Variants in UNC13C observed in about 807,000 individuals in gnomAD.
UNC13C encodes unc-13 homolog C, also known as protein unc-13 homolog C.
Under a neutral mutation model 245.4 loss-of-function variants are expected in UNC13C, and 174 were observed. The observed-to-expected ratio is 0.71, with a 90% CI of 0.63 to 0.80. The LOEUF (loss-of-function observed/expected upper bound fraction) is 0.80. Ranked by LOEUF, UNC13C falls within the 30% of genes least tolerant of loss-of-function variation. The pLI is 0.00. For missense variants in UNC13C, 2,829 were observed against 2,602.9 expected (o/e 1.09, Z -1.89); for synonymous variants, 992 against 895.1 (o/e 1.11, Z -1.93).
intron 17 of UNC13C, among the ~76,000 whole-genome samples, chr15:54,350,466 G>T (rs1265695766): frequency 1.3e-5 from 2 of 152,136 alleles, no homozygotes; most frequent in Non-Finnish European, 2.9e-5. Flanking sequence ...GAATGAATCG[G>T]CAGGCAGACA....
chr15:54,386,895 A>G (rs949948363), intron 17 of UNC13C, among the ~76,000 whole-genome samples: 2 of 152,164 alleles, frequency 1.3e-5, no homozygotes, highest in Non-Finnish European at 2.9e-5. Context: ...CCAATAGGTT[A>G]TCTTGAGCTA....
At chr15:54,258,914 A>G (rs1238608828) in intron 8 of UNC13C, among the ~76,000 whole-genome samples, 1 of 152,202 alleles carries the variant, frequency 6.6e-6, no homozygotes, top group Non-Finnish European at 1.5e-5. Context: ...AGAAAGTACC[A>G]TAAATTGGGG....
intron 17 of UNC13C, among the ~76,000 whole-genome samples, chr15:54,364,481 G>A (rs879634273): frequency 1.3e-5 from 2 of 152,184 alleles, no homozygotes; most frequent in Non-Finnish European, 2.9e-5. Flanking sequence ...GATGTAGGGA[G>A]CTACTGGGGT....
At chr15:54,553,255 A>C (rs1177104074) in intron 28 of UNC13C, among the ~76,000 whole-genome samples, 1 of 110,416 alleles carries the variant, frequency 9.1e-6, no homozygotes, top group East Asian at 2.5e-4. Flanking sequence ...TATATATTAT[A>C]TATTGTATTC....
intron 4 of UNC13C, among the ~76,000 whole-genome samples, chr15:54,206,653 C>T (rs2034722217): frequency 6.6e-6 from 1 of 152,068 alleles, no homozygotes; most frequent in African/African-American, 2.4e-5. Context: ...GGATATAGCT[C>T]TATCTAAACC....
chr15:53,891,518 A>T, the UNC13C span, among the ~76,000 whole-genome samples: 1 of 152,170 alleles, frequency 6.6e-6, no homozygotes, highest in Non-Finnish European at 1.5e-5. Flanking sequence ...GTCTCTAAGA[A>T]CTTGCTTTAT....
At chr15:54,553,600 G>A (rs866430929) in intron 28 of UNC13C, among the ~76,000 whole-genome samples, 1 of 149,672 alleles carries the variant, frequency 6.7e-6, no homozygotes, top group African/African-American at 2.4e-5. Flanking sequence ...TCAGGAACTG[G>A]TGATATAATA....
the UNC13C span, among the ~76,000 whole-genome samples, chr15:53,924,165 C>T: frequency 6.6e-6 from 1 of 152,120 alleles, no homozygotes; most frequent in African/African-American, 2.4e-5. Flanking sequence ...CGAGATCACA[C>T]CATTGCACTC....
chr15:54,483,590 G>A (rs1411714143), intron 19 of UNC13C, among the ~76,000 whole-genome samples: 1 of 152,092 alleles, frequency 6.6e-6, no homozygotes, highest in Non-Finnish European at 1.5e-5. Context: ...CCACCTCCCG[G>A]CTTCAAGCCA....
In UNC13C at chr15:54,264,261, A is replaced by C. The variant is rs1049075494; in HGVS notation, c.3542A>C (p.Asn1181Thr). 5 of 1,598,636 alleles carry C rather than the reference A, an allele frequency of 3.1e-6. No individual in the cohort carries two copies. In the Admixed American group the frequency reaches 6.9e-5, roughly 22 times the overall value. ...GAAAGAATGAAGATCAGGGAGAAAA[A>C]CCGGCCAGAAGTATTTGAAGTAATC... The part of the protein sequence containing the change: ...MKERMKIREK[N>T]RPEVFEVIQE... The change falls in exon 9 of 33, where the codon AAC becomes ACC. Residue 1181 changes from asparagine to threonine, a missense_variant. Asn to Thr is a moderately conservative substitution (Grantham distance 65, BLOSUM62 0). Coordinates refer to ENST00000260323, the MANE Select transcript of UNC13C (RefSeq NM_001080534.3).
intron 10 of UNC13C, among the ~76,000 whole-genome samples, chr15:54,271,912 A>C (rs1030028356): frequency 6.6e-6 from 1 of 152,098 alleles, no homozygotes; most frequent in Admixed American, 6.5e-5. Flanking sequence ...ATTTAATTCC[A>C]CCTAATTTCC....
chr15:54,442,842 T>C (rs1428437039), intron 19 of UNC13C, among the ~76,000 whole-genome samples: 1 of 152,154 alleles, frequency 6.6e-6, no homozygotes, highest in African/African-American at 2.4e-5. Flanking sequence ...GACTTTTGTA[T>C]CTATGTTCAT....
chr15:54,543,038 G>A (rs565200426), intron 26 of UNC13C, among the ~76,000 whole-genome samples: 7 of 152,040 alleles, frequency 4.6e-5, no homozygotes, highest in African/African-American at 9.6e-5. Flanking sequence ...TGGTCCTGTC[G>A]CTATGATGCT....
chr15:53,880,169 A>G, the UNC13C span, among the ~76,000 whole-genome samples: 2 of 152,176 alleles, frequency 1.3e-5, no homozygotes, highest in African/African-American at 4.8e-5. Flanking sequence ...ATTAAAATGC[A>G]GGATCTCCGA....
chr15:54,173,068 T>G (rs1279648885), intron 4 of UNC13C, among the ~76,000 whole-genome samples: 1 of 151,880 alleles, frequency 6.6e-6, no homozygotes, highest in Admixed American at 6.6e-5. Flanking sequence ...ATTTCTGAAC[T>G]CTCTATCCTG....
In UNC13C at chr15:54,384,490, C is replaced by T. The variant is rs959320683; in HGVS notation, c.4714-8558C>T. Among the ~76,000 whole-genome samples, 5 of 152,046 alleles carry T rather than the reference C, an allele frequency of 3.3e-5. No homozygotes were observed. The South Asian group carries it at 8.3e-4, about 25-fold the overall frequency. On this transcript the variant is annotated intron_variant, in intron 17 of 32. Transcript: ENST00000260323. ...AATGAAACTGGACCCCTGTCTCTACCGTATACAAAAGGCAACTCAATATGA... is the reference window on the plus strand; with the variant it reads ...AATGAAACTGGACCCCTGTCTCTACTGTATACAAAAGGCAACTCAATATGA...
At chr15:54,292,402 A>C (rs1293218181) in intron 10 of UNC13C, among the ~76,000 whole-genome samples, 1 of 151,862 alleles carries the variant, frequency 6.6e-6, no homozygotes, top group Non-Finnish European at 1.5e-5. Context: ...GTTCGTGAAA[A>C]CCAAAAATGT....
chr15:54,590,038 C>G (rs1005633190), intron 30 of UNC13C, among the ~76,000 whole-genome samples: 1 of 152,152 alleles, frequency 6.6e-6, no homozygotes, highest in Non-Finnish European at 1.5e-5. Flanking sequence ...CCATTTCTTG[C>G]AAACGGTGTC....
the UNC13C span, among the ~76,000 whole-genome samples, chr15:53,865,437 G>C: frequency 7.2e-5 from 11 of 152,128 alleles, no homozygotes; most frequent in Non-Finnish European, 1.6e-4. Context: ...CATTGAGTCC[G>C]ACTTGACCTT....
Sources: gnomAD v4.1 joint callset for allele counts (sites outside exome capture counted in the v4.1 genomes callset) on GRCh38, gnomAD v4.1.1 for gene constraint, MANE v1.5 for transcripts, NCBI Gene and HGNC (gene_info 2026-07-23, HGNC 2026-07-21) for gene names.